DNAJC5B: variants seen among roughly 807,000 people sequenced by gnomAD.
DNAJC5B encodes the protein DnaJ heat shock protein family (Hsp40) member C5 beta, also known as dnaJ homolog subfamily C member 5B.
Under a neutral mutation model 24.7 loss-of-function variants are expected in DNAJC5B, and 23 were observed. The observed-to-expected ratio is 0.93, with a 90% confidence interval of 0.67 to 1.32. The LOEUF (loss-of-function observed/expected upper bound fraction) is 1.32. DNAJC5B is among the 40% of genes most tolerant of loss of function. The pLI, the probability that DNAJC5B is intolerant of heterozygous loss-of-function variation, is 0.00. For synonymous variants in DNAJC5B, 101 were observed against 90.1 expected (o/e 1.12, Z -0.68); for missense variants, 238 against 240.8 (o/e 0.99, Z 0.08).
intron 3 of DNAJC5B, among the ~76,000 whole-genome samples, chr8:66,064,555 G>GAAAA (rs1807149176): frequency 6.6e-6 from 1 of 152,180 alleles, no homozygotes; most frequent in African/African-American, 2.4e-5. Flanking sequence ...GAGATTGCTG[G>GAAAA]CCTGAAGAAA....
intron 3 of DNAJC5B, among the ~76,000 whole-genome samples, chr8:66,064,406 T>G (rs950240134): frequency 2.0e-5 from 3 of 152,128 alleles, no homozygotes; most frequent in Non-Finnish European, 4.4e-5. Flanking sequence ...AGAGAGCAAG[T>G]GCTTGCTGAG....
At chr8:66,081,932 G>A (rs1388908996) in intron 5 of DNAJC5B, among the ~76,000 whole-genome samples, 1 of 151,998 alleles carries the variant, frequency 6.6e-6, no homozygotes, top group East Asian at 1.9e-4. Context: ...TTTTAATGGG[G>A]TCATTTATAC....
intron 3 of DNAJC5B, among the ~76,000 whole-genome samples, chr8:66,063,685 C>T (rs943391333): frequency 5.3e-5 from 8 of 152,266 alleles, no homozygotes; most frequent in South Asian, 2.1e-4. Context: ...AGAATCATTA[C>T]GATCCGTAAC....
chr8:66,080,990 C>T (rs547739008), intron 5 of DNAJC5B, among the ~76,000 whole-genome samples: 2 of 152,192 alleles, frequency 1.3e-5, no homozygotes, highest in South Asian at 4.2e-4. Context: ...CTTGACTTTG[C>T]TTCTTTTTAA....
At chr8:66,083,233 G>T (rs990309859) in intron 5 of DNAJC5B, among the ~76,000 whole-genome samples, 3 of 151,816 alleles carry the variant, frequency 2.0e-5, no homozygotes, top group Non-Finnish European at 4.4e-5. Flanking sequence ...GGATGGTCTT[G>T]ATCTCCTGAC....
intron 3 of DNAJC5B, among the ~76,000 whole-genome samples, 156 bp from the exon 4 acceptor site, chr8:66,076,504 T>C (rs1563605686): frequency 6.6e-6 from 1 of 152,226 alleles, no homozygotes; most frequent in East Asian, 1.9e-4. Context: ...CATCATTTAG[T>C]GAAAATGTAC....
intron 5 of DNAJC5B, among the ~76,000 whole-genome samples, chr8:66,083,441 T>C (rs1002870182): frequency 6.6e-6 from 1 of 152,224 alleles, no homozygotes; most frequent in Non-Finnish European, 1.5e-5. Context: ...GATAATGTTG[T>C]CTACATTTTT....
chr8:66,095,124 G>A (rs1807921821), intron 5 of DNAJC5B, among the ~76,000 whole-genome samples: 2 of 151,910 alleles, frequency 1.3e-5, no homozygotes, highest in South Asian at 2.1e-4. Context: ...AATAAATTAC[G>A]AAGTATTCCT....
intron 3 of DNAJC5B, among the ~76,000 whole-genome samples, chr8:66,066,703 G>A (rs531471443): frequency 3.0e-4 from 45 of 152,106 alleles, no homozygotes; most frequent in African/African-American, 8.7e-4. Flanking sequence ...GGTGACATAA[G>A]GGACTTCGGA....
intron 1 of DNAJC5B, among the ~76,000 whole-genome samples, chr8:66,029,818 T>A (rs551947622): frequency 1.3e-5 from 2 of 152,204 alleles, no homozygotes; most frequent in East Asian, 3.9e-4. Context: ...GCTGATGCCC[T>A]CTAAAGAGAC....
rs1162400153 is a variant in DNAJC5B, at chr8:66,091,192, G to T, written c.506-8745G>T. ...ATGAAGACATAGTTCCTGGTACTTT[G>T]GACCTTACAAACTAGAAGGGGAGAA... On this transcript the variant is annotated intron_variant, in intron 5 of 5. Coordinates refer to ENST00000276570, the MANE Select transcript of DNAJC5B (RefSeq NM_033105.6). Among the ~76,000 whole-genome samples, 3 of 152,086 alleles carry T rather than the reference G, an allele frequency of 2.0e-5. No individual in the cohort carries two copies. In the East Asian group the frequency reaches 5.8e-4, roughly 29 times the overall value.
At chr8:66,058,554 G>T (rs188050322) in intron 3 of DNAJC5B, among the ~76,000 whole-genome samples, 28 of 152,258 alleles carry the variant, frequency 1.8e-4, no homozygotes, top group African/African-American at 5.8e-4. Flanking sequence ...GACGGGAAAG[G>T]GACAGTGTTC....
chr8:66,050,828 T>G (rs941987016), intron 2 of DNAJC5B, among the ~76,000 whole-genome samples: 1 of 152,262 alleles, frequency 6.6e-6, no homozygotes, highest in African/African-American at 2.4e-5. Context: ...GATTTGTTCA[T>G]TTATTTGACA....
Position 66,076,777 on chromosome 8 carries a change from A to G in DNAJC5B, c.237A>G (p.Ile79Met), listed in dbSNP as rs144599635. Residue 79 changes from isoleucine to methionine, a missense_variant, in exon 4 of 6, where the codon ATA (isoleucine) becomes ATG (methionine). Physicochemically the swap from Ile to Met is conservative, Grantham distance 10 (BLOSUM62 1). Coordinates refer to ENST00000276570, the MANE Select transcript of DNAJC5B (RefSeq NM_033105.6). ...TTACCGACATTTCAAAGAGAAGCATATACGACAAGTACGGATCGCTGGGAC... is the reference window on the plus strand; with the variant it reads ...TTACCGACATTTCAAAGAGAAGCATGTACGACAAGTACGGATCGCTGGGAC... ...AILTDISKRSIYDKYGSLGLY... is the reference protein window; with the variant it reads ...AILTDISKRSMYDKYGSLGLY... 9.3e-6 allele frequency: 15 copies of G among 1,614,224 alleles called. No homozygotes were observed. In the African/African-American group the frequency reaches 1.7e-4, roughly 19 times the overall value.
chr8:66,046,431 C>T (rs1049574317), intron 2 of DNAJC5B, among the ~76,000 whole-genome samples: 2 of 152,214 alleles, frequency 1.3e-5, no homozygotes, highest in African/African-American at 2.4e-5. Context: ...AGTTCAGTGT[C>T]ACCACTATTC....
intron 5 of DNAJC5B, among the ~76,000 whole-genome samples, chr8:66,089,741 T>TA (rs1807805509): frequency 6.6e-6 from 1 of 152,192 alleles, no homozygotes; most frequent in Non-Finnish European, 1.5e-5. Flanking sequence ...CTTTAAACTA[T>TA]ATCGGAAAGT....
At chr8:66,076,979 T>C (rs1413465375) in intron 4 of DNAJC5B, 106 bp downstream of exon 4, 1 of 1,198,422 alleles carries the variant, frequency 8.3e-7, no homozygotes, top group Non-Finnish European at 1.2e-6. Context: ...TATTAAACTC[T>C]GGTAAATAAA....
upstream of DNAJC5B, among the ~76,000 whole-genome samples, chr8:66,018,384 G>A (rs1281280703): frequency 3.9e-5 from 2 of 51,938 alleles, no homozygotes; most frequent in South Asian, 3.7e-4. Flanking sequence ...TGGGCGTGGT[G>A]GGGGGGGTGC....
chr8:66,057,244 G>C (rs1318019003), intron 3 of DNAJC5B: 1 of 152,010 alleles, frequency 6.6e-6, no homozygotes, highest in Admixed American at 6.6e-5. Context: ...GAAGAAATAG[G>C]AATTAACAAA....
Sources: gnomAD v4.1 joint callset for allele counts (sites outside exome capture counted in the v4.1 genomes callset) on GRCh38, gnomAD v4.1.1 for gene constraint, MANE v1.5 for transcripts, NCBI Gene and HGNC (gene_info 2026-07-23, HGNC 2026-07-21) for gene names.